The following EPSTI1 variants were observed in gnomAD, a reference collection of about 807,000 sequenced individuals.
EPSTI1 encodes the protein epithelial stromal interaction 1.
A neutral mutation model predicts 49.9 loss-of-function variants in EPSTI1; 66 were observed. That is an observed-to-expected ratio of 1.32 (90% confidence interval 1.08 to 1.62). The LOEUF (loss-of-function observed/expected upper bound fraction) is 1.62, where lower values mean the gene tolerates loss of function less well. Among genes scored for constraint, EPSTI1 ranks in the 40% most tolerant of loss-of-function variants. The pLI, the probability that EPSTI1 is intolerant of heterozygous loss-of-function variation, is 0.00. For missense variants in EPSTI1, 394 were observed against 365.5 expected, an observed-to-expected ratio of 1.08 and a Z score of -0.64; for synonymous variants, 137 against 130.7, an observed-to-expected ratio of 1.05 and a Z score of -0.33.
intron 7 of EPSTI1, among the ~76,000 whole-genome samples, chr13:42,919,610 CT>C (rs1273351182): frequency 1.3e-5 from 2 of 152,130 alleles, no homozygotes; most frequent in Admixed American, 6.5e-5. Context: ...GCATTTACAG[CT>C]TAGTGTGAAA....
intron 6 of EPSTI1, among the ~76,000 whole-genome samples, chr13:42,938,038 A>G (rs897224458): frequency 6.6e-6 from 1 of 152,116 alleles, no homozygotes; most frequent in Non-Finnish European, 1.5e-5. Flanking sequence ...ATTTCCTTGT[A>G]TATCTTCCAG....
intron 5 of EPSTI1, among the ~76,000 whole-genome samples, chr13:42,954,361 T>C (rs1260887587): frequency 1.3e-5 from 2 of 152,252 alleles, no homozygotes; most frequent in African/African-American, 2.4e-5. Flanking sequence ...GAAATTTCCA[T>C]ACCAAGTATG....
intron 5 of EPSTI1, among the ~76,000 whole-genome samples, chr13:42,959,642 G>GTC (rs1566158240): frequency 6.6e-6 from 1 of 152,168 alleles, no homozygotes; most frequent in African/African-American, 2.4e-5. Flanking sequence ...GCTTCTCAGT[G>GTC]TCTGCATGAA....
At chr13:42,978,555 T>C (rs1213582078) in intron 1 of EPSTI1, among the ~76,000 whole-genome samples, 2 of 152,220 alleles carry the variant, frequency 1.3e-5, no homozygotes, top group African/African-American at 2.4e-5. Context: ...CCCTTTAGCT[T>C]AGTGATTTGG....
intron 6 of EPSTI1, among the ~76,000 whole-genome samples, chr13:42,937,313 G>C (rs1452580817): frequency 6.6e-6 from 1 of 152,202 alleles, no homozygotes; most frequent in African/African-American, 2.4e-5. Context: ...AATCAGGGTG[G>C]TAGTTGCTAA....
At chr13:42,954,275 G>A (rs4942182) in intron 5 of EPSTI1, among the ~76,000 whole-genome samples, 47,049 of 151,978 alleles carry the variant, frequency 0.31, 7,688 homozygotes, top group East Asian at 0.51. Flanking sequence ...AGCATTTTGC[G>A]TTTTTATTCT....
At position 42,923,273 on chromosome 13, in the gene EPSTI1, G is replaced by T. The variant is rs148240430; in HGVS notation, c.657+3063C>A. ...GTTATTCTTCGTTGAGGAAGTAGGG[G>T]CATAAGGCCGGGTGCGGTGGCTCAC... On this transcript the variant is annotated intron_variant, in intron 7 of 10. Coordinates refer to ENST00000313624, the MANE Select transcript of EPSTI1 (RefSeq NM_033255.5). 1.9e-3 allele frequency among the ~76,000 whole-genome samples: 282 copies of T among 152,248 alleles called. 1 individual carries two copies. The highest frequency in any genetic ancestry group is 3.0e-3 in the Non-Finnish European group (207 of 68,014).
intron 7 of EPSTI1, among the ~76,000 whole-genome samples, chr13:42,919,024 C>A (rs2037918338): frequency 6.6e-6 from 1 of 151,956 alleles, no homozygotes; most frequent in Non-Finnish European, 1.5e-5. Flanking sequence ...AGCTTCTACT[C>A]AAGATATTAA....
intron 6 of EPSTI1, among the ~76,000 whole-genome samples, chr13:42,928,412 G>A (rs1027066121): frequency 6.6e-6 from 1 of 152,130 alleles, no homozygotes; most frequent in African/African-American, 2.4e-5. Context: ...AAGTCCAACT[G>A]GACTAAGAAC....
chr13:42,983,740 T>C (rs1284487958), intron 1 of EPSTI1, among the ~76,000 whole-genome samples: 1 of 152,176 alleles, frequency 6.6e-6, no homozygotes, highest in Admixed American at 6.5e-5. Flanking sequence ...GAAAATCATT[T>C]TATTTTCAAG....
chr13:42,903,251 C>A (rs1469324937), intron 8 of EPSTI1, among the ~76,000 whole-genome samples: 8 of 151,686 alleles, frequency 5.3e-5, no homozygotes, highest in African/African-American at 1.7e-4. Flanking sequence ...TCAGACTTGG[C>A]AAAATGATCA....
intron 7 of EPSTI1, among the ~76,000 whole-genome samples, chr13:42,924,652 T>C (rs1229240237): frequency 6.6e-6 from 1 of 152,050 alleles, no homozygotes; most frequent in Non-Finnish European, 1.5e-5. Context: ...ATGATTTAAC[T>C]CCACTGCCTA....
At chr13:42,979,985 A>G (rs1566179052) in intron 1 of EPSTI1, among the ~76,000 whole-genome samples, 1 of 152,220 alleles carries the variant, frequency 6.6e-6, no homozygotes, top group East Asian at 1.9e-4. Context: ...GTAGACTCCT[A>G]TGAGCTCAGA....
chr13:42,896,100 G>A (rs927726895), intron 9 of EPSTI1, among the ~76,000 whole-genome samples: 1 of 152,158 alleles, frequency 6.6e-6, no homozygotes, highest in Non-Finnish European at 1.5e-5. Flanking sequence ...GGCTGTCTGC[G>A]CTTGCTCAGT....
chr13:42,990,982 T>C (rs1165007744), intron 1 of EPSTI1: 2 of 152,250 alleles, frequency 1.3e-5, no homozygotes, highest in Non-Finnish European at 2.9e-5. Flanking sequence ...GCTTAATAAA[T>C]GTTTCCCGGA....
rs374830506 is a variant in EPSTI1, at chr13:42,888,473, C to A, written c.*21G>T. The A allele has an allele frequency of 1.2e-6, 2 of 1,613,608 alleles. No individual in the cohort carries two copies. Among genetic ancestry groups the A allele is most frequent in the Non-Finnish European group, 1.7e-6 (2 of 1,179,854 alleles). ...CTTTTCGAGGTCAGTTGATGAAGGC[C>A]AGATAGGAGTCAATATTTTCTCATA... On this transcript the variant is annotated 3_prime_UTR_variant, in exon 11 of 11. Coordinates refer to ENST00000313624, the MANE Select transcript of EPSTI1 (RefSeq NM_033255.5).
At chr13:42,916,437 G>A (rs1335895942) in intron 8 of EPSTI1, among the ~76,000 whole-genome samples, 1 of 152,124 alleles carries the variant, frequency 6.6e-6, no homozygotes, top group Non-Finnish European at 1.5e-5. Context: ...TATGCTGGGC[G>A]AAACTATGAA....
At chr13:42,953,662 C>T (rs556467666) in intron 6 of EPSTI1, among the ~76,000 whole-genome samples, 10 of 152,184 alleles carry the variant, frequency 6.6e-5, no homozygotes, top group Non-Finnish European at 1.3e-4. Context: ...GTATCCTGGA[C>T]GTCAACATGA....
At chr13:42,889,791 T>C (rs1249093037) in intron 10 of EPSTI1, among the ~76,000 whole-genome samples, 1 of 152,194 alleles carries the variant, frequency 6.6e-6, no homozygotes, top group African/African-American at 2.4e-5. Context: ...AATGTAGATA[T>C]AGTTATCTTT....
Sources: allele counts gnomAD v4.1 joint callset (sites outside exome capture counted in the v4.1 genomes callset), GRCh38; gene constraint gnomAD v4.1.1; transcripts MANE v1.5; gene names NCBI Gene and HGNC (gene_info 2026-07-23, HGNC 2026-07-21).